The following COL6A6 variants were observed in gnomAD, a reference collection of about 807,000 sequenced individuals.
COL6A6 encodes collagen alpha-6(VI) chain.
COL6A6 carries 183 observed loss-of-function variants against 208.6 expected under a neutral mutation model. The ratio of observed to expected loss-of-function variants is 0.88; its 90% CI spans 0.78 to 0.99. The LOEUF is 0.99. Among genes scored for constraint, COL6A6 ranks in the 50% least tolerant of loss-of-function variants. The pLI is 0.00. For synonymous variants in COL6A6, 973 were observed against 1,011.8 expected, an observed-to-expected ratio of 0.96 and a Z score of 0.73; for missense variants, 2,816 against 2,815.2, an observed-to-expected ratio of 1.00 and a Z score of -0.01.
intron 1 of COL6A6, among the ~76,000 whole-genome samples, chr3:130,555,220 G>A (rs1464473933): frequency 6.6e-6 from 1 of 152,108 alleles, no homozygotes; most frequent in East Asian, 1.9e-4. Context: ...TCGATTTTGG[G>A]GTCTCATGCT....
chr3:130,571,025 T>C lies in COL6A6; in HGVS notation c.2609T>C (p.Leu870Pro). ...TATCTGGATGACTTTGGCACAAAAC[T>C]GGAGGTAATTTCAGTGCTCCAGAAT... ...LFYLDDFGTKLEVISVLQNDQ... is the reference protein window; with the variant it reads ...LFYLDDFGTKPEVISVLQNDQ... The change falls in exon 7 of 37, where the codon CTG becomes CCG. Residue 870 changes from leucine (L) to proline (P), a missense_variant. By Grantham distance (98) the Leu-to-Pro change is moderately conservative. Coordinates refer to ENST00000358511, the MANE Select transcript of COL6A6 (RefSeq NM_001102608.3). The C allele has an allele frequency of 6.2e-7, 1 of 1,613,926 alleles. No homozygotes were observed. The highest frequency in any genetic ancestry group is 1.3e-5 in the African/African-American group (1 of 75,048).
Position 130,662,234 on chromosome 3 carries a change from A to G in COL6A6, c.6428A>G (p.Gln2143Arg). The change falls in exon 35 of 37, where the codon CAG becomes CGG. Residue 2143 changes from glutamine (Q) to arginine (R), a missense_variant. By Grantham distance (43) the Gln-to-Arg change is conservative. Transcript: ENST00000358511. ...CACCCTTTGGATCACCACCTGGTCC[A>G]GCTTGGCCGAATTCATAAACCTGAC... ...ASHPLDHHLV[Q>R]LGRIHKPDHS... The G allele has an allele frequency of 1.9e-6, 3 of 1,614,046 alleles. No individual in the cohort carries two copies. The highest frequency in any genetic ancestry group is 2.5e-6 in the Non-Finnish European group (3 of 1,179,884).
At chr3:130,625,238 G>A (rs1279320580) in intron 24 of COL6A6, among the ~76,000 whole-genome samples, 2 of 152,090 alleles carry the variant, frequency 1.3e-5, no homozygotes, top group African/African-American at 4.8e-5. Flanking sequence ...CCTATTCTTC[G>A]TTACCCCAGA....
chr3:130,612,905 T>C (rs2064403366), intron 23 of COL6A6, among the ~76,000 whole-genome samples: 1 of 152,248 alleles, frequency 6.6e-6, no homozygotes, highest in Non-Finnish European at 1.5e-5. Context: ...TTAAGTTCCT[T>C]AAGATTCTAG....
chr3:130,532,337 C>G (rs148330335), intron 1 of COL6A6, among the ~76,000 whole-genome samples: 74 of 152,276 alleles, frequency 4.9e-4, no homozygotes, highest in Non-Finnish European at 9.3e-4. Context: ...TCTGTACCCC[C>G]CCATCCCACT....
chr3:130,541,382 C>G (rs1353846482), intron 1 of COL6A6, among the ~76,000 whole-genome samples: 1 of 152,160 alleles, frequency 6.6e-6, no homozygotes, highest in African/African-American at 2.4e-5. Context: ...ATTCTTTATC[C>G]ACTTACCTGC....
At chr3:130,645,913 A>C (rs566673664) in intron 32 of COL6A6, among the ~76,000 whole-genome samples, 33 of 152,330 alleles carry the variant, frequency 2.2e-4, no homozygotes, top group Non-Finnish European at 2.8e-4. Context: ...CTGATTGCTT[A>C]TCCATGCATT....
intron 31 of COL6A6, among the ~76,000 whole-genome samples, chr3:130,643,403 G>A (rs1051193046): frequency 1.3e-5 from 2 of 152,188 alleles, no homozygotes; most frequent in Non-Finnish European, 2.9e-5. Flanking sequence ...AAGCAGCCGT[G>A]ATAATAGGGT....
At chr3:130,569,355 A>G (rs186020819) in intron 6 of COL6A6, among the ~76,000 whole-genome samples, 1 of 152,216 alleles carries the variant, frequency 6.6e-6, no homozygotes, top group Non-Finnish European at 1.5e-5. Flanking sequence ...CTGTCTTCCC[A>G]TGAAACTGCA....
At chr3:130,579,489 C>A (rs975953572) in intron 8 of COL6A6, among the ~76,000 whole-genome samples, 3 of 152,264 alleles carry the variant, frequency 2.0e-5, no homozygotes, top group Admixed American at 2.0e-4. Context: ...CCCCAGGATT[C>A]CACATTGCTA....
intron 3 of COL6A6, among the ~76,000 whole-genome samples, chr3:130,564,248 G>A (rs79062897): frequency 0.07 from 10,633 of 152,266 alleles, 499 homozygotes; most frequent in South Asian, 0.19. Context: ...CTTGCTTCCT[G>A]CTGCCCTGTT....
At chr3:130,589,369 T>G (rs571147572) in intron 12 of COL6A6, among the ~76,000 whole-genome samples, 187 bp downstream of exon 12, 16 of 152,352 alleles carry the variant, frequency 1.1e-4, no homozygotes, top group Admixed American at 4.6e-4. Context: ...TTGGAGTCTT[T>G]TTTAAAAGTT....
Position 130,568,509 on chromosome 3 carries a change from G to C in COL6A6, c.2306G>C (p.Ser769Thr). The C allele has an allele frequency of 6.2e-7, 1 of 1,613,626 alleles. No individual in the cohort carries two copies. The highest frequency in any genetic ancestry group is 8.5e-7 in the Non-Finnish European group (1 of 1,179,890). Residue 769 changes from serine (S) to threonine (T), a missense_variant, in exon 6 of 37, where the codon AGT becomes ACT. Transcript: ENST00000358511. ...AATGTCACCCAGCTTGAGGAGATCA[G>C]TGGGAGGCCCGAGATGGTTTTTTAT... ...GSNVTQLEEI[S>T]GRPEMVFYVE...
intron 23 of COL6A6, among the ~76,000 whole-genome samples, chr3:130,613,830 G>A (rs572836068): frequency 6.6e-6 from 1 of 152,270 alleles, no homozygotes; most frequent in East Asian, 1.9e-4. Flanking sequence ...TGTTGTTGGT[G>A]TATAGGAATG....
At chr3:130,642,810 A>G (rs775636807) in intron 29 of COL6A6, 22 bp from the exon 30 acceptor site, 1 of 1,612,180 alleles carries the variant, frequency 6.2e-7, no homozygotes, top group Non-Finnish European at 8.5e-7. Flanking sequence ...GCATTAAAAC[A>G]ATGTTTTGTT....
chr3:130,602,811 A>G (rs1226957609), intron 20 of COL6A6, among the ~76,000 whole-genome samples: 2 of 152,222 alleles, frequency 1.3e-5, no homozygotes, highest in Non-Finnish European at 2.9e-5. Flanking sequence ...TGATTAACAT[A>G]ATATTTCTAG....
chr3:130,526,381 C>T (rs1333895858), intron 1 of COL6A6, among the ~76,000 whole-genome samples: 1 of 151,882 alleles, frequency 6.6e-6, no homozygotes, highest in African/African-American at 2.4e-5. Flanking sequence ...AAGATGAGAT[C>T]AAAGATCACA....
chr3:130,577,496 A>G (rs1354032628), intron 8 of COL6A6, among the ~76,000 whole-genome samples: 2 of 152,246 alleles, frequency 1.3e-5, no homozygotes. Flanking sequence ...TTGTTTCCAC[A>G]AGCTGATATT....
Position 130,581,784 on chromosome 3 carries a change from C to T in COL6A6, c.3771C>T (p.Tyr1257=). The part of the protein sequence containing the change: ...MEKYSPKFEI[Y]SENILNSLKD... The stretch of plus-strand genomic sequence containing the variant: ...AATATTCTCCCAAGTTTGAGATCTA[C>T]AGTGAAAACATACTGAATAGCTTGA... Residue 1257 remains tyrosine, a synonymous_variant, in exon 9 of 37, where the codon TAC becomes TAT. Transcript: ENST00000358511. 1 of 1,613,604 alleles carries T rather than the reference C, an allele frequency of 6.2e-7. No individual in the cohort carries two copies. The highest frequency in any genetic ancestry group is 2.2e-5 in the East Asian group (1 of 44,884).
Sources: allele counts gnomAD v4.1 joint callset (sites outside exome capture counted in the v4.1 genomes callset), GRCh38; gene constraint gnomAD v4.1.1; transcripts MANE v1.5; gene names NCBI Gene and HGNC (gene_info 2026-07-23, HGNC 2026-07-21).